DCUN1D3: variants seen among roughly 807,000 people sequenced by gnomAD.
The protein encoded by DCUN1D3 is DCN1-like protein 3.
Under a neutral mutation model 24.8 loss-of-function variants are expected in DCUN1D3, and 6 were observed. That is an observed-to-expected ratio of 0.24 (90% CI 0.13 to 0.48). The LOEUF is 0.48. Among genes scored for constraint, DCUN1D3 ranks in the 20% least tolerant of loss-of-function variants. DCUN1D3 has a pLI of 0.99. For missense variants in DCUN1D3, 258 were observed against 379.4 expected, an observed-to-expected ratio of 0.68 and a Z score of 2.66; for synonymous variants, 120 against 144.9, an observed-to-expected ratio of 0.83 and a Z score of 1.24.
chr16:20,880,825 T>G (rs1031910179), intron 1 of DCUN1D3, among the ~76,000 whole-genome samples: 1 of 152,096 alleles, frequency 6.6e-6, no homozygotes, highest in African/African-American at 2.4e-5. Context: ...GGCATCATTC[T>G]CAAAACATTT....
At chr16:20,879,733 C>T (rs2081833525) in intron 1 of DCUN1D3, among the ~76,000 whole-genome samples, 1 of 152,182 alleles carries the variant, frequency 6.6e-6, no homozygotes, top group South Asian at 2.1e-4. Flanking sequence ...ATAATAAAGA[C>T]CTCCCCAAAG....
At chr16:20,874,533 CA>C (rs1459845981) in intron 1 of DCUN1D3, among the ~76,000 whole-genome samples, 1 of 152,216 alleles carries the variant, frequency 6.6e-6, no homozygotes, top group East Asian at 1.9e-4. Flanking sequence ...AAAAATCTCT[CA>C]GAAGTCTTTC....
At position 20,882,741 on chromosome 16, in the gene DCUN1D3, A is replaced by G. The variant is rs189092625; in HGVS notation, c.-106+17463T>C. ...CTTCTTCCTGAAACACGATGTGTCC[A>G]ATCCTAGAGTCAGTCTTTCAGAAAA... On this transcript the variant is annotated intron_variant, in intron 1 of 2. Transcript: ENST00000324344. Among the ~76,000 whole-genome samples the G allele has an allele frequency of 1.8e-3, 276 of 152,370 alleles. 1 individual carries two copies. The highest frequency in any genetic ancestry group is 6.8e-3 in the Middle Eastern group (2 of 294).
At chr16:20,861,963 G>A (rs2081735717) in intron 2 of DCUN1D3, 145 bp downstream of exon 2, 2 of 839,014 alleles carry the variant, frequency 2.4e-6, no homozygotes, top group Non-Finnish European at 1.8e-6. Context: ...AAAGATTCAA[G>A]CTTTAGAGAA....
At position 20,859,401 on chromosome 16, in the gene DCUN1D3, T is replaced by C. The variant is rs1049021484; in HGVS notation, c.*485A>G. On this transcript the variant is annotated 3_prime_UTR_variant, in exon 3 of 3. Transcript: ENST00000324344. Reference sequence around the variant, plus strand: ...ATAATTATTACAACCTAAATTCATCTATGTAAACAGCACTACACACAGTAC... The same window carrying C: ...ATAATTATTACAACCTAAATTCATCCATGTAAACAGCACTACACACAGTAC... The C allele has an allele frequency of 6.5e-6, 1 of 152,850 alleles. No homozygotes were observed. Among genetic ancestry groups the C allele is most frequent in the Non-Finnish European group, 1.5e-5 (1 of 68,248 alleles). 9.5% of individuals were successfully genotyped at this position (152,850 alleles called of 1,614,324 possible).
chr16:20,889,251 G>C (rs1360753391), intron 1 of DCUN1D3, among the ~76,000 whole-genome samples: 1 of 151,722 alleles, frequency 6.6e-6, no homozygotes, highest in African/African-American at 2.4e-5. Flanking sequence ...AATTAGCCAG[G>C]CGTGGTGGCA....
chr16:20,880,604 C>CAAAAAAAAAAAAAAAAAAAA (rs34275241), intron 1 of DCUN1D3, among the ~76,000 whole-genome samples: 3 of 51,924 alleles, frequency 5.8e-5, no homozygotes, highest in African/African-American at 9.2e-5. Context: ...GACCCTGTCT[C>CAAAAAAAAAAAAAAAAAAAA]AAAAAAAAAA....
chr16:20,884,468 A>G (rs2081859616), intron 1 of DCUN1D3, among the ~76,000 whole-genome samples: 1 of 152,194 alleles, frequency 6.6e-6, no homozygotes. Context: ...ACTAACTTCC[A>G]TACCACAGGA....
chr16:20,870,264 A>C (rs542683946), intron 1 of DCUN1D3, among the ~76,000 whole-genome samples: 2 of 152,210 alleles, frequency 1.3e-5, no homozygotes, highest in Non-Finnish European at 2.9e-5. Flanking sequence ...CTTGGTGAAC[A>C]GATCTCACAC....
At chr16:20,879,300 T>A (rs1422077062) in intron 1 of DCUN1D3, among the ~76,000 whole-genome samples, 1 of 152,152 alleles carries the variant, frequency 6.6e-6, no homozygotes, top group Non-Finnish European at 1.5e-5. Context: ...AGTGACAGAA[T>A]TAAGAAGTCC....
chr16:20,855,943 GA>G lies in DCUN1D3; in HGVS notation c.*3942del, dbSNP rs781198670. ...TACCAAGATGTTCAAGTCCCCCAAG[GA>G]AGACCTTTGTCAGTTACCAAGATGC... On this transcript the variant is annotated 3_prime_UTR_variant, in exon 3 of 3. Transcript: ENST00000324344. 1 of 152,198 alleles carries G rather than the reference GA, an allele frequency of 6.6e-6. No homozygotes were observed. Among genetic ancestry groups the G allele is most frequent in the Non-Finnish European group, 1.5e-5 (1 of 68,044 alleles). The allele number at this position is 152,198 out of a possible 1,614,324, so 9.4% of individuals were successfully genotyped here.
chr16:20,895,813 CAA>C (rs1404320422), intron 1 of DCUN1D3, among the ~76,000 whole-genome samples: 1 of 152,138 alleles, frequency 6.6e-6, no homozygotes, highest in Non-Finnish European at 1.5e-5. Flanking sequence ...TAAACAGACA[CAA>C]AGAGATAATT....
At chr16:20,881,211 C>T (rs1043327373) in intron 1 of DCUN1D3, among the ~76,000 whole-genome samples, 19 of 152,118 alleles carry the variant, frequency 1.2e-4, no homozygotes, top group Non-Finnish European at 2.6e-4. Flanking sequence ...TTACCCAAGC[C>T]TGGGCAACAC....
chr16:20,870,464 G>A (rs1015020070), intron 1 of DCUN1D3, among the ~76,000 whole-genome samples: 1 of 152,196 alleles, frequency 6.6e-6, no homozygotes, highest in African/African-American at 2.4e-5. Flanking sequence ...ACAGACCCAA[G>A]TAAACTGCTG....
intron 1 of DCUN1D3, among the ~76,000 whole-genome samples, chr16:20,879,987 T>C (rs2081834760): frequency 6.6e-6 from 1 of 152,256 alleles, no homozygotes; most frequent in Admixed American, 6.5e-5. Flanking sequence ...TGACACTTGT[T>C]TCTTCCAGGC....
chr16:20,891,700 G>A (rs1449985829), intron 1 of DCUN1D3, among the ~76,000 whole-genome samples: 3 of 152,204 alleles, frequency 2.0e-5, no homozygotes, highest in African/African-American at 7.2e-5. Context: ...GATTATGGCT[G>A]ATTAGTCCAT....
intron 1 of DCUN1D3, among the ~76,000 whole-genome samples, chr16:20,870,415 T>G (rs557916729): frequency 3.1e-4 from 47 of 152,282 alleles, no homozygotes; most frequent in African/African-American, 9.1e-4. Flanking sequence ...CATCTTAGTT[T>G]GATCTCTGGA....
At chr16:20,876,479 T>C (rs1596634507) in intron 1 of DCUN1D3, among the ~76,000 whole-genome samples, 1 of 144,662 alleles carries the variant, frequency 6.9e-6, no homozygotes, top group Non-Finnish European at 1.5e-5. Flanking sequence ...TGTGGAAAAA[T>C]GGGAACCCTC....
intron 1 of DCUN1D3, among the ~76,000 whole-genome samples, chr16:20,879,899 T>C (rs2081834401): frequency 6.6e-6 from 1 of 152,262 alleles, no homozygotes; most frequent in Non-Finnish European, 1.5e-5. Context: ...CACAGTCATC[T>C]TTCTCATTGC....
Sources: gnomAD v4.1 joint callset for allele counts (sites outside exome capture counted in the v4.1 genomes callset) on GRCh38, gnomAD v4.1.1 for gene constraint, MANE v1.5 for transcripts, NCBI Gene and HGNC (gene_info 2026-07-23, HGNC 2026-07-21) for gene names.